MC2R: variants seen among roughly 807,000 people sequenced by gnomAD.
The protein encoded by MC2R is adrenocorticotropic hormone receptor.
Under a neutral mutation model 9.8 loss-of-function variants are expected in MC2R, and 9 were observed. The ratio of observed to expected loss-of-function variants is 0.92; its 90% CI spans 0.55 to 1.60. The LOEUF is 1.60. Ranked by LOEUF, MC2R falls within the 40% of genes most tolerant of loss-of-function variation. The pLI is 0.00. For missense variants in MC2R, 370 were observed against 389.0 expected, an observed-to-expected ratio of 0.95 and a Z score of 0.41; for synonymous variants, 185 against 154.7, an observed-to-expected ratio of 1.20 and a Z score of -1.45.
chr18:13,897,372 G>A (rs72874324), intron 1 of MC2R, among the ~76,000 whole-genome samples: 1,739 of 152,278 alleles, frequency 0.011, 17 homozygotes, highest in Non-Finnish European at 0.018. Context: ...TTGAGTTCCC[G>A]CAAACCTTGC....
At position 13,885,653 on chromosome 18, in the gene MC2R, G is replaced by T. The variant is rs921256220; in HGVS notation, c.-128-7C>A. The T allele has an allele frequency of 2.0e-6, 2 of 978,808 alleles. No homozygotes were observed. Among genetic ancestry groups the T allele is most frequent in the Admixed American group, 4.7e-5 (2 of 42,490 alleles). 60.6% of individuals were successfully genotyped at this position (978,808 alleles called of 1,614,324 possible). A position where few individuals can be genotyped will look rare whatever the true frequency, so the allele number is the denominator to read the frequency against. On this transcript the variant is annotated splice_region_variant and splice_polypyrimidine_tract_variant and intron_variant, in intron 1 of 1. Transcript: ENST00000327606. ...GTTAAAATCTCCCAATCACCTAAAA[G>T]GGAGTATACAGAAATATTAGTTGCA... is the stretch of plus-strand genomic sequence containing the variant.
chr18:13,885,906 G>A (rs1567896158), intron 1 of MC2R, among the ~76,000 whole-genome samples: 1 of 152,188 alleles, frequency 6.6e-6, no homozygotes. Context: ...CTATCAAAAA[G>A]AATAAGGTCA....
intron 1 of MC2R, among the ~76,000 whole-genome samples, chr18:13,910,567 C>G (rs574394010): frequency 6.6e-6 from 1 of 152,334 alleles, no homozygotes; most frequent in South Asian, 2.1e-4. Flanking sequence ...TGCAAGTTTT[C>G]TGATTTTGGT....
intron 1 of MC2R, among the ~76,000 whole-genome samples, chr18:13,897,281 C>T (rs190657481): frequency 1.3e-5 from 2 of 152,314 alleles, no homozygotes; most frequent in East Asian, 1.9e-4. Flanking sequence ...AACCAGACTA[C>T]ACTCGGCTGA....
intron 1 of MC2R, among the ~76,000 whole-genome samples, chr18:13,911,844 A>G (rs1287908746): frequency 6.6e-6 from 1 of 152,172 alleles, no homozygotes; most frequent in African/African-American, 2.4e-5. Context: ...CTAGGATCCA[A>G]TTTTAGGTTA....
At chr18:13,894,848 C>T (rs2045337267) in intron 1 of MC2R, among the ~76,000 whole-genome samples, 1 of 152,206 alleles carries the variant, frequency 6.6e-6, no homozygotes, top group South Asian at 2.1e-4. Flanking sequence ...TTTGTTTAAG[C>T]CCAAACAAGA....
Position 13,885,530 on chromosome 18 carries a change from G to A in MC2R, c.-12C>T, listed in dbSNP as rs2045270972. 1 of 1,613,974 alleles carries A rather than the reference G, an allele frequency of 6.2e-7. No individual in the cohort carries two copies. The highest frequency in any genetic ancestry group is 1.3e-5 in the African/African-American group (1 of 74,922). Reference sequence around the variant, plus strand: ...ATAATGTGCTTCATTTCTCCTGCTTGTGGTTAAGGCGGGGATGTTACTTGG... The same window carrying A: ...ATAATGTGCTTCATTTCTCCTGCTTATGGTTAAGGCGGGGATGTTACTTGG... On this transcript the variant is annotated 5_prime_UTR_variant, in exon 2 of 2. Coordinates refer to ENST00000327606, the MANE Select transcript of MC2R (RefSeq NM_000529.2).
chr18:13,889,688 C>CA lies in MC2R; in HGVS notation c.-128-4043dup, dbSNP rs1351182736. On this transcript the variant is annotated intron_variant, in intron 1 of 1. Coordinates refer to ENST00000327606, the MANE Select transcript of MC2R (RefSeq NM_000529.2). ...TTTTATATTGATCATCATCTTTGAC[C>CA]AAAAAAAATATATATAGTTTTTATA... Among the ~76,000 whole-genome samples the CA allele has an allele frequency of 2.7e-5, 4 of 150,880 alleles. No individual in the cohort carries two copies. The South Asian group carries it at 6.3e-4, about 24-fold the overall frequency.
At chr18:13,894,212 T>A (rs1384859805) in intron 1 of MC2R, among the ~76,000 whole-genome samples, 1 of 152,110 alleles carries the variant, frequency 6.6e-6, no homozygotes, top group Non-Finnish European at 1.5e-5. Context: ...CAAACTAAAG[T>A]TTGATTAGTG....
At chr18:13,892,021 C>A (rs1387802061) in intron 1 of MC2R, among the ~76,000 whole-genome samples, 3 of 152,176 alleles carry the variant, frequency 2.0e-5, no homozygotes, top group Non-Finnish European at 4.4e-5. Flanking sequence ...TACAAACAAA[C>A]ACACAGGGCC....
intron 1 of MC2R, among the ~76,000 whole-genome samples, chr18:13,910,230 T>C (rs551210459): frequency 2.6e-4 from 39 of 152,226 alleles, no homozygotes; most frequent in Non-Finnish European, 1.0e-4. Flanking sequence ...CCTGGCTATA[T>C]TTGTGTGGGC....
chr18:13,895,423 G>A (rs1002193737), intron 1 of MC2R, among the ~76,000 whole-genome samples: 12 of 152,152 alleles, frequency 7.9e-5, no homozygotes, highest in Non-Finnish European at 1.2e-4. Flanking sequence ...CAGAGTCCCT[G>A]AAAACAGCTT....
rs766565660 is a variant in MC2R at position 13,884,766 on chromosome 18, G to T, written c.753C>A (p.Cys251Ter). ...CCTGGAAGAGAGACATGTAGCAGGC[G>T]CAGTAGGGGTTACTTGGGCAGAATG... Reference protein sequence around the residue: ...LMTFCPSNPYCACYMSLFQVN... With the variant: ...LMTFCPSNPY Residue 251 changes from cysteine to a stop codon, truncating the protein, a stop_gained, in exon 2 of 2, where the codon TGC (cysteine) becomes TGA (stop). Coordinates refer to ENST00000327606, the MANE Select transcript of MC2R (RefSeq NM_000529.2). LOFTEE classifies it high-confidence loss of function. The T allele has an allele frequency of 6.2e-7, 1 of 1,614,024 alleles. No homozygotes were observed. Among genetic ancestry groups the T allele is most frequent in the Admixed American group, 1.7e-5 (1 of 60,008 alleles).
At chr18:13,889,068 T>A (rs1371476478) in intron 1 of MC2R, among the ~76,000 whole-genome samples, 1 of 152,208 alleles carries the variant, frequency 6.6e-6, no homozygotes, top group African/African-American at 2.4e-5. Context: ...TCCATGCTGC[T>A]TTCCTCTGTC....
chr18:13,905,050 A>T (rs985595992), intron 1 of MC2R, among the ~76,000 whole-genome samples: 1 of 152,210 alleles, frequency 6.6e-6, no homozygotes, highest in African/African-American at 2.4e-5. Flanking sequence ...ATCTAATTAC[A>T]CTAAAGAGCT....
chr18:13,908,125 G>A (rs564781449), intron 1 of MC2R, among the ~76,000 whole-genome samples: 2 of 152,248 alleles, frequency 1.3e-5, no homozygotes, highest in East Asian at 1.9e-4. Context: ...ATATGGACTC[G>A]ACCTAAGTGT....
intron 1 of MC2R, among the ~76,000 whole-genome samples, chr18:13,915,239 C>CCAAA (rs1192517744): frequency 4.3e-4 from 66 of 152,252 alleles, no homozygotes; most frequent in African/African-American, 1.6e-3. Context: ...TTGAAGAGTA[C>CCAAA]TAGAGAAGCC....
rs2045254238 is a variant in MC2R, at chr18:13,883,865, A to G, written c.*760T>C. The G allele has an allele frequency of 2.0e-5, 3 of 152,658 alleles. No homozygotes were observed. The South Asian group carries it at 6.2e-4, about 32-fold the overall frequency. 9.5% of individuals were successfully genotyped at this position (152,658 alleles called of 1,614,324 possible). The stretch of plus-strand genomic sequence containing the variant: ...ATGTATGCTCATAAAGCATGAGGAA[A>G]TGTAACAGGAAAGGGTTTTAAGGCC... On this transcript the variant is annotated 3_prime_UTR_variant, in exon 2 of 2. Coordinates refer to ENST00000327606, the MANE Select transcript of MC2R (RefSeq NM_000529.2).
At chr18:13,897,765 C>G (rs931589276) in intron 1 of MC2R, among the ~76,000 whole-genome samples, 3 of 152,044 alleles carry the variant, frequency 2.0e-5, no homozygotes, top group Admixed American at 2.0e-4. Flanking sequence ...TCTAGACACA[C>G]CCTGGGCCAG....
Sources: gnomAD v4.1 joint callset for allele counts (sites outside exome capture counted in the v4.1 genomes callset) on GRCh38, gnomAD v4.1.1 for gene constraint, MANE v1.5 for transcripts, NCBI Gene and HGNC (gene_info 2026-07-23, HGNC 2026-07-21) for gene names.